PLCH1: variants seen among roughly 807,000 people sequenced by gnomAD.
PLCH1 encodes phospholipase C eta 1, also known as 1-phosphatidylinositol 4,5-bisphosphate phosphodiesterase eta-1.
In PLCH1, 60 loss-of-function variants were observed where a neutral mutation model predicts 126.7. The ratio of observed to expected loss-of-function variants is 0.47; its 90% CI spans 0.38 to 0.59. The LOEUF is 0.59. PLCH1 is among the 20% of genes least tolerant of loss of function. The pLI, the probability that PLCH1 is intolerant of heterozygous loss-of-function variation, is 0.00. For synonymous variants in PLCH1, 719 were observed against 734.9 expected (o/e 0.98, Z 0.35); for missense variants, 1,723 against 2,040.0 (o/e 0.84, Z 2.99).
intron 1 of PLCH1, among the ~76,000 whole-genome samples, chr3:155,733,857 T>A (rs1748945879): frequency 6.8e-6 from 1 of 147,538 alleles, no homozygotes; most frequent in Non-Finnish European, 1.5e-5. Context: ...AGAAAACAAA[T>A]AACCTGATCT....
At chr3:155,628,116 A>C (rs1737568099) in intron 2 of PLCH1, among the ~76,000 whole-genome samples, 1 of 152,090 alleles carries the variant, frequency 6.6e-6, no homozygotes, top group Admixed American at 6.5e-5. Context: ...TACAGATAGA[A>C]CATGATTCTA....
At chr3:155,489,974 A>C (rs1715926078) in intron 19 of PLCH1, among the ~76,000 whole-genome samples, 1 of 152,200 alleles carries the variant, frequency 6.6e-6, no homozygotes, top group Non-Finnish European at 1.5e-5. Context: ...AGACTAAAAA[A>C]AGAAAGAAGA....
chr3:155,589,662 T>TAG (rs1012779602), intron 4 of PLCH1, among the ~76,000 whole-genome samples: 21 of 152,128 alleles, frequency 1.4e-4, no homozygotes, highest in Non-Finnish European at 2.9e-4. Flanking sequence ...AATGGTCTGA[T>TAG]AGAGAAAAAT....
At chr3:155,612,968 A>G (rs1735328521) in intron 2 of PLCH1, among the ~76,000 whole-genome samples, 1 of 151,770 alleles carries the variant, frequency 6.6e-6, no homozygotes, top group Admixed American at 6.6e-5. Context: ...AACGAGAGAT[A>G]TTACAATCAA....
chr3:155,602,592 T>A (rs1733876309), intron 2 of PLCH1, among the ~76,000 whole-genome samples: 1 of 152,200 alleles, frequency 6.6e-6, no homozygotes, highest in South Asian at 2.1e-4. Context: ...CTAGGCTGTA[T>A]GGTATAACCT....
rs575386459 is a variant in PLCH1, at chr3:155,465,472, G to A, written c.2938+19884C>T. 6.6e-5 allele frequency among the ~76,000 whole-genome samples: 10 copies of A among 152,166 alleles called. No homozygotes were observed. The South Asian group carries it at 1.5e-3, about 22-fold the overall frequency. On this transcript the variant is annotated intron_variant, in intron 21 of 21. Transcript: ENST00000494598. ...AGAGTACTTGGACCCCAAATGAACA[G>A]CAGCGATACCTAGGTATTATGTCAA...
intron 2 of PLCH1, among the ~76,000 whole-genome samples, chr3:155,663,856 C>G (rs140802273): frequency 6.6e-6 from 1 of 152,216 alleles, no homozygotes; most frequent in East Asian, 1.9e-4. Context: ...GCATTACTAT[C>G]AAGTTTGCAC....
intron 4 of PLCH1, among the ~76,000 whole-genome samples, chr3:155,591,372 T>C (rs1732147332): frequency 6.6e-6 from 1 of 152,162 alleles, no homozygotes; most frequent in Non-Finnish European, 1.5e-5. Context: ...CAAAGTATAG[T>C]CCTGGAGGTC....
At chr3:155,604,163 A>AAT (rs199999842) in intron 2 of PLCH1, among the ~76,000 whole-genome samples, 2,085 of 151,836 alleles carry the variant, frequency 0.014, 22 homozygotes, top group African/African-American at 0.025. Context: ...TATATAAATA[A>AAT]ATATATATAT....
chr3:155,490,846 A>G lies in PLCH1; in HGVS notation c.2330T>C (p.Val777Ala). The change falls in exon 19 of 23, where the codon GTT becomes GCT. Residue 777 changes from valine to alanine, a missense_variant. This residue lies in a region of PLCH1 where 776 missense variants were observed against 1,062.9 expected (regional missense o/e 0.73). Coordinates refer to ENST00000460012, the MANE Select transcript of PLCH1 (RefSeq NM_014996.4). ...RGEIIDPFVE[V>A]EIIGLPVDCC... Reference sequence around the variant, plus strand: ...ATCTACTGGCAATCCAATAATTTCAACTTCAACAAAAGGGTCAATGATCTA... The same window carrying G: ...ATCTACTGGCAATCCAATAATTTCAGCTTCAACAAAAGGGTCAATGATCTA... 1 of 1,586,198 alleles carries G rather than the reference A, an allele frequency of 6.3e-7. No homozygotes were observed. Among genetic ancestry groups the G allele is most frequent in the Non-Finnish European group, 8.7e-7 (1 of 1,155,072 alleles).
At chr3:155,493,684 C>A (rs995447160) in intron 17 of PLCH1, among the ~76,000 whole-genome samples, 2 of 152,190 alleles carry the variant, frequency 1.3e-5, no homozygotes, top group African/African-American at 4.8e-5. Flanking sequence ...CCATGCCCAG[C>A]CTATCCTTTC....
intron 2 of PLCH1, 68 bp from the exon 3 acceptor site, chr3:155,596,446 G>A: frequency 1.5e-6 from 2 of 1,351,194 alleles, no homozygotes; most frequent in Non-Finnish European, 2.1e-6. Flanking sequence ...CCAGGTTTTA[G>A]AGTCAAATAA....
intron 11 of PLCH1, among the ~76,000 whole-genome samples, chr3:155,518,049 A>G (rs1178183224): frequency 1.3e-5 from 2 of 152,184 alleles, no homozygotes; most frequent in African/African-American, 2.4e-5. Context: ...GTTTTTTCCC[A>G]TATAGTAATG....
chr3:155,718,396 C>T (rs1481241365), intron 1 of PLCH1, among the ~76,000 whole-genome samples: 2 of 152,144 alleles, frequency 1.3e-5, no homozygotes, highest in East Asian at 1.9e-4. Context: ...AGGTGAAATA[C>T]CCCATATTGC....
At chr3:155,475,818 T>TA (rs1418811510), downstream of PLCH1, among the ~76,000 whole-genome samples, 3 of 152,024 alleles carry the variant, frequency 2.0e-5, no homozygotes, top group African/African-American at 7.2e-5. Context: ...AAAGCTGTAA[T>TA]AAAAAAGTCT....
At chr3:155,717,797 G>T (rs944043957) in intron 1 of PLCH1, among the ~76,000 whole-genome samples, 1 of 152,200 alleles carries the variant, frequency 6.6e-6, no homozygotes, top group African/African-American at 2.4e-5. Context: ...TTCTACCCTT[G>T]TCTTGGCAAT....
intron 21 of PLCH1, among the ~76,000 whole-genome samples, chr3:155,459,161 T>G (rs1435430966): frequency 1.3e-5 from 2 of 152,202 alleles, no homozygotes; most frequent in African/African-American, 4.8e-5. Context: ...ATAAGGATGA[T>G]GATAATTATA....
At chr3:155,691,666 T>G (rs1219794993) in intron 2 of PLCH1, among the ~76,000 whole-genome samples, 1 of 152,174 alleles carries the variant, frequency 6.6e-6, no homozygotes, top group Non-Finnish European at 1.5e-5. Flanking sequence ...TTTTCCAAAG[T>G]AGACAAATAA....
intron 9 of PLCH1, among the ~76,000 whole-genome samples, chr3:155,550,567 C>T (rs1725973990): frequency 6.6e-6 from 1 of 152,168 alleles, no homozygotes; most frequent in South Asian, 2.1e-4. Context: ...CACCAGCACT[C>T]AGGTTTCTGC....
Sources: allele counts gnomAD v4.1 joint callset (sites outside exome capture counted in the v4.1 genomes callset), GRCh38; gene constraint gnomAD v4.1.1; regional missense constraint gnomAD v4.1.1; transcripts MANE v1.5; gene names NCBI Gene and HGNC (gene_info 2026-07-23, HGNC 2026-07-21).